The following EFCAB11 variants were observed in gnomAD, a reference collection of about 807,000 sequenced individuals.
The protein encoded by EFCAB11 is EF-hand calcium binding domain 11.
In EFCAB11, 14 loss-of-function variants were observed where a neutral mutation model predicts 23.0. The observed-to-expected ratio is 0.61, with a 90% CI of 0.40 to 0.95. The LOEUF (loss-of-function observed/expected upper bound fraction) is 0.95. EFCAB11 is among the 40% of genes least tolerant of loss of function. EFCAB11 has a pLI of 0.00. For missense variants in EFCAB11, 198 were observed against 195.8 expected, an observed-to-expected ratio of 1.01 and a Z score of -0.07; for synonymous variants, 65 against 66.6, an observed-to-expected ratio of 0.98 and a Z score of 0.11.
intron 5 of EFCAB11, among the ~76,000 whole-genome samples, chr14:89,913,884 C>T (rs1044766449): frequency 6.6e-5 from 10 of 152,072 alleles, no homozygotes; most frequent in South Asian, 2.1e-4. Context: ...CAATTCCTGC[C>T]AAGCAGAAAG....
chr14:89,890,076 A>G (rs1355799083), intron 5 of EFCAB11, among the ~76,000 whole-genome samples: 1 of 152,240 alleles, frequency 6.6e-6, no homozygotes, highest in East Asian at 1.9e-4. Context: ...TGTCGTAGGT[A>G]TAAGTACTAT....
intron 5 of EFCAB11, among the ~76,000 whole-genome samples, chr14:89,842,993 G>A (rs1887319888): frequency 6.6e-6 from 1 of 152,126 alleles, no homozygotes; most frequent in African/African-American, 2.4e-5. Context: ...ATCACCCTGC[G>A]CTTTTCCTAT....
At chr14:89,822,635 C>A (rs1301641725) in intron 5 of EFCAB11, among the ~76,000 whole-genome samples, 1 of 152,106 alleles carries the variant, frequency 6.6e-6, no homozygotes, top group African/African-American at 2.4e-5. Context: ...ATTGTATGGA[C>A]ACACAGAGTG....
intron 3 of EFCAB11, among the ~76,000 whole-genome samples, chr14:89,940,803 A>G (rs17126485): frequency 0.09 from 13,770 of 152,262 alleles, 1,585 homozygotes; most frequent in African/African-American, 0.27. Context: ...CGAGATAATA[A>G]CAAAGAGACA....
chr14:89,938,563 G>A (rs1463101416), intron 3 of EFCAB11, among the ~76,000 whole-genome samples: 2 of 152,198 alleles, frequency 1.3e-5, no homozygotes, highest in Admixed American at 1.3e-4. Context: ...GGGAAATAAA[G>A]AGAAAATAAT....
intron 5 of EFCAB11, among the ~76,000 whole-genome samples, chr14:89,906,396 A>G (rs1566805496): frequency 6.6e-6 from 1 of 152,096 alleles, no homozygotes; most frequent in African/African-American, 2.4e-5. Flanking sequence ...GTCCTTGTAA[A>G]TTTCCTATAG....
At chr14:89,815,459 TTC>T (rs1886304802) in intron 5 of EFCAB11, among the ~76,000 whole-genome samples, 1 of 152,030 alleles carries the variant, frequency 6.6e-6, no homozygotes, top group African/African-American at 2.4e-5. Context: ...CGGAATCTTG[TTC>T]TGTCGCCCAG....
chr14:89,954,729 C>T lies in EFCAB11; in HGVS notation c.-69G>A. 4 of 1,557,650 alleles carry T rather than the reference C, an allele frequency of 2.6e-6. No homozygotes were observed. Among genetic ancestry groups the T allele is most frequent in the South Asian group, 2.3e-5 (2 of 86,312 alleles). ...CCGCTTTCCCAGCCTGGCTGGCAGC[C>T]TACCGCGGCCACGCCCACCGCGGCT... On this transcript the variant is annotated 5_prime_UTR_variant, in exon 1 of 6. Coordinates refer to ENST00000316738, the MANE Select transcript of EFCAB11 (RefSeq NM_145231.4).
At chr14:89,935,586 T>C (rs1255344395) in intron 3 of EFCAB11, among the ~76,000 whole-genome samples, 2 of 152,118 alleles carry the variant, frequency 1.3e-5, no homozygotes, top group African/African-American at 4.8e-5. Flanking sequence ...TTAAAATGTG[T>C]GTTTTAGAGC....
In EFCAB11 at chr14:89,924,256, A is replaced by C. The variant is rs947382352; in HGVS notation, c.410+7285T>G. On this transcript the variant is annotated intron_variant, in intron 5 of 5. Transcript: ENST00000316738. ...GACCTTCCCTTGTGTAATATGAAGA[A>C]AGGGATTCTTACACCAAAAATATCA... 8 of 996,508 alleles carry C rather than the reference A, an allele frequency of 8.0e-6. No homozygotes were observed. In the South Asian group the frequency reaches 3.6e-4, roughly 45 times the overall value. 61.7% of individuals were successfully genotyped at this position (996,508 alleles called of 1,614,324 possible).
At chr14:89,905,063 G>A (rs1334019914) in intron 5 of EFCAB11, among the ~76,000 whole-genome samples, 1 of 152,110 alleles carries the variant, frequency 6.6e-6, no homozygotes, top group Non-Finnish European at 1.5e-5. Flanking sequence ...TGGGAAGAGA[G>A]CCAAGTCACT....
intron 5 of EFCAB11, among the ~76,000 whole-genome samples, chr14:89,856,063 T>C (rs1194791058): frequency 2.0e-5 from 3 of 152,258 alleles, no homozygotes; most frequent in African/African-American, 4.8e-5. Flanking sequence ...TCTTGGCTAT[T>C]GTGAATAATG....
At chr14:89,880,031 T>C (rs982854805) in intron 5 of EFCAB11, among the ~76,000 whole-genome samples, 1 of 152,224 alleles carries the variant, frequency 6.6e-6, no homozygotes, top group African/African-American at 2.4e-5. Flanking sequence ...ATTAATAGTT[T>C]TTCAGTTTCC....
At chr14:89,868,657 T>A (rs1252188211) in intron 5 of EFCAB11, among the ~76,000 whole-genome samples, 2 of 152,220 alleles carry the variant, frequency 1.3e-5, no homozygotes, top group Non-Finnish European at 2.9e-5. Context: ...TGCATTTCCT[T>A]GTTTTACGTG....
chr14:89,866,290 T>C (rs758329716), intron 5 of EFCAB11, among the ~76,000 whole-genome samples: 8 of 152,182 alleles, frequency 5.3e-5, no homozygotes, highest in African/African-American at 1.2e-4. Flanking sequence ...CAGATCTGAA[T>C]TGCCCTCACC....
chr14:89,875,924 G>A (rs938842337), intron 5 of EFCAB11, among the ~76,000 whole-genome samples: 26 of 152,302 alleles, frequency 1.7e-4, no homozygotes, highest in Admixed American at 1.4e-3. Context: ...GGCTGTTAAA[G>A]GTCAGACTCG....
chr14:89,849,298 T>G (rs983115026), intron 5 of EFCAB11, among the ~76,000 whole-genome samples: 1 of 152,216 alleles, frequency 6.6e-6, no homozygotes, highest in African/African-American at 2.4e-5. Flanking sequence ...TCACTTTCAG[T>G]TTAGGCATCA....
intron 3 of EFCAB11, among the ~76,000 whole-genome samples, chr14:89,937,844 T>C (rs1890642269): frequency 6.6e-6 from 1 of 151,802 alleles, no homozygotes; most frequent in South Asian, 2.1e-4. Context: ...TATTTTTTAG[T>C]TTCCAAACTA....
At chr14:89,891,883 G>A (rs1383894620) in intron 5 of EFCAB11, among the ~76,000 whole-genome samples, 2 of 152,016 alleles carry the variant, frequency 1.3e-5, no homozygotes, top group African/African-American at 4.8e-5. Flanking sequence ...GGAGCTACGT[G>A]GCGGGCGCGC....
Sources: allele counts gnomAD v4.1 joint callset (sites outside exome capture counted in the v4.1 genomes callset), GRCh38; gene constraint gnomAD v4.1.1; transcripts MANE v1.5; gene names NCBI Gene and HGNC (gene_info 2026-07-23, HGNC 2026-07-21).